Variants in CYB5R3 observed in about 807,000 individuals in gnomAD.
CYB5R3 encodes NADH-cytochrome b5 reductase 3.
Under a neutral mutation model 36.5 loss-of-function variants are expected in CYB5R3, and 28 were observed. The ratio of observed to expected loss-of-function variants is 0.77; its 90% CI spans 0.57 to 1.05. The LOEUF is 1.05. Among genes scored for constraint, CYB5R3 ranks in the 50% least tolerant of loss-of-function variants. The pLI, the probability that CYB5R3 is intolerant of heterozygous loss-of-function variation, is 0.00. For synonymous variants in CYB5R3, 181 were observed against 159.8 expected, an observed-to-expected ratio of 1.13 and a Z score of -1.00; for missense variants, 474 against 408.9, an observed-to-expected ratio of 1.16 and a Z score of -1.37.
At chr22:42,638,817 G>A (rs1929062617) in intron 1 of CYB5R3, among the ~76,000 whole-genome samples, 1 of 150,878 alleles carries the variant, frequency 6.6e-6, no homozygotes, top group South Asian at 2.1e-4. Context: ...GGGATCATCT[G>A]AGGTCAGGAG....
intron 2 of CYB5R3, among the ~76,000 whole-genome samples, chr22:42,634,038 G>A (rs1462561734): frequency 5.3e-5 from 8 of 152,074 alleles, no homozygotes; most frequent in African/African-American, 1.9e-4. Flanking sequence ...AAACATGTGT[G>A]CCTGCTTACA....
intron 1 of CYB5R3, among the ~76,000 whole-genome samples, chr22:42,643,302 G>T (rs1190702037): frequency 6.6e-6 from 1 of 152,172 alleles, no homozygotes; most frequent in Non-Finnish European, 1.5e-5. Context: ...GGTCACGTAG[G>T]GGTCTATAAC....
At chr22:42,619,996 C>G in intron 8 of CYB5R3, 51 bp from the exon 9 acceptor site, 1 of 1,522,920 alleles carries the variant, frequency 6.6e-7, no homozygotes, top group Non-Finnish European at 8.9e-7. Flanking sequence ...TGGTCACCAA[C>G]CTGCTGACCG....
chr22:42,621,404 G>A (rs1016439344), intron 8 of CYB5R3, among the ~76,000 whole-genome samples: 9 of 152,164 alleles, frequency 5.9e-5, no homozygotes, highest in African/African-American at 2.2e-4. Context: ...CCCTGTACCT[G>A]TCCTGAAAGT....
chr22:42,638,276 A>C (rs1319792580), intron 1 of CYB5R3, among the ~76,000 whole-genome samples: 1 of 151,464 alleles, frequency 6.6e-6, no homozygotes, highest in East Asian at 1.9e-4. Context: ...GGTGCCTGTA[A>C]TCCCAGCTAC....
chr22:42,648,309 G>C (rs887797914), intron 1 of CYB5R3, among the ~76,000 whole-genome samples: 3 of 152,050 alleles, frequency 2.0e-5, no homozygotes, highest in Admixed American at 6.6e-5. Context: ...AGGAGCACTG[G>C]GCTGATTCCT....
intron 1 of CYB5R3, chr22:42,640,078 T>C (rs1929160329): frequency 1.2e-6 from 2 of 1,613,786 alleles, no homozygotes; most frequent in Non-Finnish European, 1.7e-6. Flanking sequence ...TGTGAGCTGT[T>C]TGAAGCTACC....
chr22:42,635,331 C>G (rs1465255652), intron 2 of CYB5R3, among the ~76,000 whole-genome samples: 3 of 151,842 alleles, frequency 2.0e-5, no homozygotes, highest in Non-Finnish European at 4.4e-5. Flanking sequence ...GTCTCGATCT[C>G]CTGACCTCAT....
chr22:42,644,657 T>G (rs1929454825), intron 1 of CYB5R3: 4 of 1,406,188 alleles, frequency 2.8e-6, no homozygotes, highest in Non-Finnish European at 3.7e-6. Context: ...GCTATCGACC[T>G]CTCCCTCAGT....
chr22:42,636,904 G>A (rs1236163553), intron 1 of CYB5R3, 58 bp from the exon 2 acceptor site: 92 of 1,590,374 alleles, frequency 5.8e-5, no homozygotes, highest in East Asian at 7.0e-5. Context: ...CAAACACACC[G>A]GCTTGTCCAC....
chr22:42,622,997 T>C (rs74852648), intron 8 of CYB5R3, among the ~76,000 whole-genome samples: 2,186 of 152,336 alleles, frequency 0.014, 49 homozygotes, highest in African/African-American at 0.05. Flanking sequence ...ACAGCGGGAT[T>C]GCCCACGGCG....
chr22:42,649,097 G>A (rs898272142), intron 1 of CYB5R3, among the ~76,000 whole-genome samples, 198 bp downstream of exon 1: 1 of 152,164 alleles, frequency 6.6e-6, no homozygotes, highest in Non-Finnish European at 1.5e-5. Context: ...GACTGCCAGG[G>A]CGTAAGTAGC....
At position 42,625,547 on chromosome 22, in the gene CYB5R3, TAA is replaced by T. The variant is rs541603125; in HGVS notation, c.634-1661_634-1660del. Among the ~76,000 whole-genome samples the T allele has an allele frequency of 3.4e-4, 52 of 152,246 alleles. No individual in the cohort carries two copies. The East Asian group carries it at 7.1e-3, about 21-fold the overall frequency. On this transcript the variant is annotated intron_variant, in intron 7 of 8. Coordinates refer to ENST00000352397, the MANE Select transcript of CYB5R3 (RefSeq NM_000398.7). ...AAAAGTTATGTCTTCCTCTCTGAGC[TAA>T]AGTGTGTCTCATGCTTTAATCCTCA...
chr22:42,638,759 G>A (rs1406206006), intron 1 of CYB5R3, among the ~76,000 whole-genome samples: 2 of 89,160 alleles, frequency 2.2e-5, no homozygotes, highest in African/African-American at 5.4e-5. Context: ...AAGGCCGGGC[G>A]CGGTGGCTCA....
At position 42,627,580 on chromosome 22, in the gene CYB5R3, C is replaced by G. The variant is rs201998972; in HGVS notation, c.547+25G>C. 82 of 1,601,280 alleles carry G rather than the reference C, an allele frequency of 5.1e-5. No homozygotes were observed. In the Admixed American group the frequency reaches 1.1e-3, roughly 22 times the overall value. ...CCCACCCTTAACATGAGCCGCCGGA[C>G]GCCTCAGTGGGGGGTTCCGTGTACC... On this transcript the variant is annotated intron_variant, in intron 6 of 8. Coordinates refer to ENST00000352397, the MANE Select transcript of CYB5R3 (RefSeq NM_000398.7).
At position 42,628,216 on chromosome 22, in the gene CYB5R3, G is replaced by A. The variant is rs764643173; in HGVS notation, c.399C>T (p.Ser133=). 4 of 1,614,030 alleles carry A rather than the reference G, an allele frequency of 2.5e-6. No individual in the cohort carries two copies. The East Asian group carries it at 8.9e-5, about 36-fold the overall frequency. The change falls in exon 5 of 9, where the codon AGC becomes AGT. Residue 133 remains serine, a synonymous_variant. Coordinates refer to ENST00000352397, the MANE Select transcript of CYB5R3 (RefSeq NM_000398.7). ...ACTCAATGGTGTCTCCAATCTGCAT[G>A]CTCTCCAGGTACTGAGACATCTTCC... The part of the protein sequence containing the change: ...AGGKMSQYLE[S]MQIGDTIEFR...
intron 2 of CYB5R3, 49 bp downstream of exon 2, chr22:42,636,666 T>C: frequency 1.2e-6 from 2 of 1,600,862 alleles, no homozygotes; most frequent in Non-Finnish European, 1.7e-6. Context: ...GAGTAGGTGC[T>C]GGGCAATGCT....
rs533104373 is a variant in CYB5R3, at chr22:42,628,520, C to T, written c.334-239G>A. Among the ~76,000 whole-genome samples, 8 of 152,284 alleles carry T rather than the reference C, an allele frequency of 5.3e-5. No individual in the cohort carries two copies. In the South Asian group the frequency reaches 1.7e-3, roughly 32 times the overall value. Reference sequence around the variant, plus strand: ...TATCCGGGGAAAGCAAACCACCAGCCTCGTGTACAAGGCCGACCAACTCCA... The same window carrying T: ...TATCCGGGGAAAGCAAACCACCAGCTTCGTGTACAAGGCCGACCAACTCCA... On this transcript the variant is annotated intron_variant, in intron 4 of 8. Transcript: ENST00000352397.
intron 1 of CYB5R3, among the ~76,000 whole-genome samples, chr22:42,647,503 T>C (rs1325375968): frequency 6.6e-6 from 1 of 150,560 alleles, no homozygotes; most frequent in Non-Finnish European, 1.5e-5. Flanking sequence ...ATCCCAGCAC[T>C]TTGGGAGGCT....
Sources: allele counts gnomAD v4.1 joint callset (sites outside exome capture counted in the v4.1 genomes callset), GRCh38; gene constraint gnomAD v4.1.1; transcripts MANE v1.5; gene names NCBI Gene and HGNC (gene_info 2026-07-23, HGNC 2026-07-21).